CELF4: variants seen among roughly 807,000 people sequenced by gnomAD.
The protein encoded by CELF4 is CUGBP Elav-like family member 4.
In CELF4, 18 loss-of-function variants were observed where a neutral mutation model predicts 59.9. The ratio of observed to expected loss-of-function variants is 0.30; its 90% CI spans 0.21 to 0.45. CELF4 has a LOEUF of 0.45. CELF4 is among the 20% of genes least tolerant of loss of function. CELF4 has a pLI of 1.00. For missense variants in CELF4, 456 were observed against 689.0 expected, an observed-to-expected ratio of 0.66 and a Z score of 3.79; for synonymous variants, 261 against 267.1, an observed-to-expected ratio of 0.98 and a Z score of 0.22.
chr18:37,448,176 G>T (rs1395884685), intron 2 of CELF4, among the ~76,000 whole-genome samples: 2 of 152,234 alleles, frequency 1.3e-5, no homozygotes, highest in Non-Finnish European at 2.9e-5. Flanking sequence ...GCAGGAATTT[G>T]CTTCCCGGTT....
intron 1 of CELF4, among the ~76,000 whole-genome samples, chr18:37,500,411 C>A (rs921865572): frequency 1.3e-5 from 2 of 152,146 alleles, no homozygotes; most frequent in African/African-American, 4.8e-5. Context: ...CCAGGCAGAG[C>A]CAGCCTGCAG....
At chr18:37,359,061 G>C (rs2098655719) in intron 2 of CELF4, among the ~76,000 whole-genome samples, 1 of 152,138 alleles carries the variant, frequency 6.6e-6, no homozygotes, top group Non-Finnish European at 1.5e-5. Flanking sequence ...TCGCCCCACT[G>C]TACTCCAGCC....
At chr18:37,296,834 G>A (rs1569544705) in intron 3 of CELF4, among the ~76,000 whole-genome samples, 1 of 152,192 alleles carries the variant, frequency 6.6e-6, no homozygotes, top group Non-Finnish European at 1.5e-5. Context: ...GTCTCGGCTA[G>A]GTGGCAGTTC....
intron 2 of CELF4, among the ~76,000 whole-genome samples, chr18:37,472,335 GC>G: frequency 6.6e-6 from 1 of 152,360 alleles, no homozygotes; most frequent in African/African-American, 2.4e-5. Context: ...CCTGCACTAG[GC>G]TATAAAGCTG....
chr18:37,334,286 G>A (rs994611051), intron 2 of CELF4, among the ~76,000 whole-genome samples: 2 of 152,204 alleles, frequency 1.3e-5, no homozygotes, highest in Admixed American at 6.5e-5. Context: ...GCTGCCCCCA[G>A]TGCTGGGCCA....
At chr18:37,262,437 T>TG (rs1361173520) in intron 10 of CELF4, among the ~76,000 whole-genome samples, 2 of 151,106 alleles carry the variant, frequency 1.3e-5, no homozygotes, top group African/African-American at 4.9e-5. Flanking sequence ...TGCTCAGAGA[T>TG]GGAGAGAAGG....
chr18:37,421,131 A>AT (rs1438500403), intron 2 of CELF4, among the ~76,000 whole-genome samples: 2 of 152,174 alleles, frequency 1.3e-5, no homozygotes, highest in Non-Finnish European at 2.9e-5. Context: ...GCATAGGCCC[A>AT]TTCACATACT....
chr18:37,393,675 AC>A (rs1364411969), intron 2 of CELF4, among the ~76,000 whole-genome samples: 5 of 152,022 alleles, frequency 3.3e-5, no homozygotes, highest in Admixed American at 1.3e-4. Context: ...TGGAGTTGGG[AC>A]TTGGTGCTCC....
chr18:37,251,062 G>T (rs538169815), intron 12 of CELF4, among the ~76,000 whole-genome samples: 1 of 152,104 alleles, frequency 6.6e-6, no homozygotes, highest in Non-Finnish European at 1.5e-5. Flanking sequence ...AGGGGAGAAG[G>T]CTCCCTGGCT....
chr18:37,469,299 G>A (rs17682709), intron 2 of CELF4, among the ~76,000 whole-genome samples: 12,000 of 152,178 alleles, frequency 0.079, 524 homozygotes, highest in East Asian at 0.13. Flanking sequence ...TGCTCCTCCT[G>A]TATGGCACAG....
chr18:37,249,601 GCC>G (rs901346550), intron 12 of CELF4, among the ~76,000 whole-genome samples: 15 of 152,088 alleles, frequency 9.9e-5, no homozygotes, highest in African/African-American at 3.6e-4. Context: ...TCCCTGAGGA[GCC>G]CCCAAGACTC....
chr18:37,362,754 A>G (rs1444757223), intron 2 of CELF4, among the ~76,000 whole-genome samples: 1 of 152,110 alleles, frequency 6.6e-6, no homozygotes, highest in African/African-American at 2.4e-5. Context: ...CTCTCTTGCC[A>G]GTCACCTGCT....
intron 2 of CELF4, among the ~76,000 whole-genome samples, chr18:37,368,701 G>C (rs921053127): frequency 2.6e-5 from 4 of 152,160 alleles, no homozygotes; most frequent in Non-Finnish European, 5.9e-5. Context: ...AGCGTGCAAG[G>C]AGCAGGCAGC....
rs144837355 is a variant in CELF4, at chr18:37,302,432, G to A, written c.448+19371C>T. Among the ~76,000 whole-genome samples the A allele has an allele frequency of 4.7e-3, 713 of 152,272 alleles. 5 individuals are homozygous for A. Among genetic ancestry groups the A allele is most frequent in the African/African-American group, 0.016 (677 of 41,560 alleles). ...CCCCTCTTATTGGATGGGAATTATC[G>A]CCCCCAACATCAGCCAGCAACATGG... is the stretch of plus-strand genomic sequence containing the variant. On this transcript the variant is annotated intron_variant, in intron 3 of 12. Coordinates refer to ENST00000420428, the MANE Select transcript of CELF4 (RefSeq NM_020180.4).
intron 2 of CELF4, among the ~76,000 whole-genome samples, chr18:37,391,993 G>C (rs1227290150): frequency 6.6e-6 from 1 of 152,216 alleles, no homozygotes; most frequent in Non-Finnish European, 1.5e-5. Flanking sequence ...GTGCAAGGCT[G>C]AGAACCAGAG....
rs148052937 is a variant in CELF4, at chr18:37,438,576, G to A, written c.369+46949C>T. On this transcript the variant is annotated intron_variant, in intron 2 of 12. Coordinates refer to ENST00000420428, the MANE Select transcript of CELF4 (RefSeq NM_020180.4). ...GCTGCATCCTAACTTTGGAATAGTG[G>A]TTCAGGGTCATGTTTACCCTGGTGC... 1.3e-4 allele frequency among the ~76,000 whole-genome samples: 20 copies of A among 152,240 alleles called. No homozygotes were observed. The East Asian group carries it at 3.9e-3, about 29-fold the overall frequency.
intron 2 of CELF4, among the ~76,000 whole-genome samples, chr18:37,360,100 GC>G (rs1037355096): frequency 6.7e-6 from 1 of 148,836 alleles, no homozygotes; most frequent in African/African-American, 2.5e-5. Context: ...CAATCCACCC[GC>G]CTCGGCCTCC....
At chr18:37,402,196 G>A (rs553443976) in intron 2 of CELF4, among the ~76,000 whole-genome samples, 5 of 152,316 alleles carry the variant, frequency 3.3e-5, no homozygotes, top group South Asian at 2.1e-4. Context: ...TGATCCGCTG[G>A]GGATGAGCAG....
At chr18:37,262,723 C>T (rs1276493477) in intron 10 of CELF4, among the ~76,000 whole-genome samples, 1 of 152,114 alleles carries the variant, frequency 6.6e-6, no homozygotes, top group Admixed American at 6.5e-5. Context: ...GGACCTGGAG[C>T]GGGCAACATG....
Sources: gnomAD v4.1 joint callset for allele counts (sites outside exome capture counted in the v4.1 genomes callset) on GRCh38, gnomAD v4.1.1 for gene constraint, MANE v1.5 for transcripts, NCBI Gene and HGNC (gene_info 2026-07-23, HGNC 2026-07-21) for gene names.